Variants in MAP3K5 observed in about 807,000 individuals in gnomAD.
MAP3K5 encodes the protein mitogen-activated protein kinase kinase kinase 5.
MAP3K5 carries 56 observed loss-of-function variants against 158.7 expected under a neutral mutation model. That is an observed-to-expected ratio of 0.35 (90% CI 0.28 to 0.44). The LOEUF is 0.44. Ranked by LOEUF, MAP3K5 falls within the 20% of genes least tolerant of loss-of-function variation. The pLI is 1.00. For synonymous variants in MAP3K5, 579 were observed against 601.7 expected (o/e 0.96, Z 0.55); for missense variants, 1,294 against 1,674.8 (o/e 0.77, Z 3.97).
intron 1 of MAP3K5, among the ~76,000 whole-genome samples, chr6:136,727,477 C>T (rs1782016095): frequency 6.6e-6 from 1 of 152,170 alleles, no homozygotes; most frequent in South Asian, 2.1e-4. Flanking sequence ...TTTAACTCTT[C>T]ACTGACTCAC....
intron 21 of MAP3K5, among the ~76,000 whole-genome samples, chr6:136,598,795 A>T (rs114269012): frequency 9.9e-5 from 15 of 152,106 alleles, no homozygotes; most frequent in Admixed American, 6.5e-5. Context: ...TCTTGTACTC[A>T]TCTAGAAGGA....
At chr6:136,715,891 G>A (rs1045478414) in intron 2 of MAP3K5, among the ~76,000 whole-genome samples, 1 of 151,580 alleles carries the variant, frequency 6.6e-6, no homozygotes, top group Non-Finnish European at 1.5e-5. Flanking sequence ...TCAGCTGGGC[G>A]TGGTGGCGGG....
chr6:136,719,200 C>T (rs1395255342), intron 2 of MAP3K5, among the ~76,000 whole-genome samples: 1 of 151,948 alleles, frequency 6.6e-6, no homozygotes, highest in Non-Finnish European at 1.5e-5. Context: ...TACATACATA[C>T]ATAAACTTAA....
chr6:136,717,687 A>T (rs1781583918), intron 2 of MAP3K5, among the ~76,000 whole-genome samples: 1 of 152,134 alleles, frequency 6.6e-6, no homozygotes, highest in Non-Finnish European at 1.5e-5. Context: ...TAACTAATTG[A>T]CCAGAAATGA....
At chr6:136,753,825 G>A (rs1562675171) in intron 1 of MAP3K5, among the ~76,000 whole-genome samples, 1 of 152,210 alleles carries the variant, frequency 6.6e-6, no homozygotes, top group African/African-American at 2.4e-5. Context: ...AGGGTAGATG[G>A]TGCTTCAGCA....
chr6:136,581,975 C>T lies in MAP3K5; in HGVS notation c.3412-1569G>A, dbSNP rs577405555. Among the ~76,000 whole-genome samples, 7 of 151,858 alleles carry T rather than the reference C, an allele frequency of 4.6e-5. No homozygotes were observed. In the South Asian group the frequency reaches 1.2e-3, roughly 27 times the overall value. On this transcript the variant is annotated intron_variant, in intron 24 of 29. Transcript: ENST00000359015. ...GCAGGCACCTGTAGTTCCAGCTACT[C>T]GGGAGGCTGAGGCACAAGAATTGCT...
At chr6:136,641,649 GTTT>G (rs35443052) in intron 12 of MAP3K5, among the ~76,000 whole-genome samples, 42 of 146,960 alleles carry the variant, frequency 2.9e-4, no homozygotes, top group East Asian at 1.6e-3. Context: ...CTTACAGAAG[GTTT>G]TTTTTTTTTT....
At chr6:136,612,663 T>C (rs1019097027) in intron 17 of MAP3K5, among the ~76,000 whole-genome samples, 1 of 152,236 alleles carries the variant, frequency 6.6e-6, no homozygotes, top group African/African-American at 2.4e-5. Flanking sequence ...CTTATAATTA[T>C]AGTTAAATCA....
chr6:136,558,801 T>G lies in MAP3K5; in HGVS notation c.4063A>C (p.Arg1355=). 1 of 1,578,740 alleles carries G rather than the reference T, an allele frequency of 6.3e-7. No homozygotes were observed. The highest frequency in any genetic ancestry group is 2.2e-5 in the East Asian group (1 of 44,690). ...TRDDLKCLRL[R]GGMLCTLWKA... The stretch of plus-strand genomic sequence containing the variant: ...TGACAACAGAAAGAAAAGTGGTACC[T>G]TAGTCTCAAGCATTTTAAGTCATCA... Residue 1355 remains arginine (R), a splice_region_variant and synonymous_variant, in exon 29 of 30, where the codon AGG becomes CGG. Coordinates refer to ENST00000359015, the MANE Select transcript of MAP3K5 (RefSeq NM_005923.4).
At chr6:136,605,177 T>A (rs1343665824) in intron 19 of MAP3K5, 32 bp downstream of exon 19, 1 of 1,603,682 alleles carries the variant, frequency 6.2e-7, no homozygotes, top group Non-Finnish European at 8.5e-7. Context: ...AAAAGCTTTA[T>A]CCATTTGTTT....
rs143732330 is a variant in MAP3K5 at position 136,601,805 on chromosome 6, A to T, written c.2854T>A (p.Ser952Thr). 5 of 1,613,784 alleles carry T rather than the reference A, an allele frequency of 3.1e-6. No homozygotes were observed. The highest frequency in any genetic ancestry group is 3.4e-6 in the Non-Finnish European group (4 of 1,179,946). ...SKKKKTQPKLSALSAGSNEYL... is the reference protein window; with the variant it reads ...SKKKKTQPKLTALSAGSNEYL... The stretch of plus-strand genomic sequence containing the variant: ...CCTCTTCAATGCAACCACATACCTG[A>T]AAGCTTAGGTTGTGTCTTTTTCTTT... The change falls in exon 20 of 30, where the codon TCA (serine) becomes ACA (threonine). Residue 952 changes from serine to threonine, a missense_variant. Transcript: ENST00000359015.
intron 7 of MAP3K5, among the ~76,000 whole-genome samples, chr6:136,686,263 G>A (rs1780141694): frequency 6.6e-6 from 1 of 152,090 alleles, no homozygotes; most frequent in South Asian, 2.1e-4. Flanking sequence ...GGTATTGATG[G>A]AATGTATCTC....
chr6:136,680,217 CTT>C (rs1483983320), intron 7 of MAP3K5, among the ~76,000 whole-genome samples: 1 of 152,090 alleles, frequency 6.6e-6, no homozygotes, highest in Non-Finnish European at 1.5e-5. Context: ...CAGATACAGA[CTT>C]TTAGTCATGC....
chr6:136,681,436 T>A (rs1222343380), intron 7 of MAP3K5, among the ~76,000 whole-genome samples: 1 of 152,090 alleles, frequency 6.6e-6, no homozygotes, highest in African/African-American at 2.4e-5. Flanking sequence ...GTGTTCAAGA[T>A]CATCCTGGGC....
intron 7 of MAP3K5, among the ~76,000 whole-genome samples, chr6:136,688,108 T>G (rs1411109302): frequency 6.6e-6 from 1 of 152,206 alleles, no homozygotes; most frequent in African/African-American, 2.4e-5. Context: ...GGTGAGTTCA[T>G]GTCCTTTGCA....
chr6:136,568,920 C>T (rs1027481431), intron 25 of MAP3K5, among the ~76,000 whole-genome samples: 7 of 149,982 alleles, frequency 4.7e-5, no homozygotes, highest in Non-Finnish European at 7.4e-5. Context: ...AATTCTAAGC[C>T]CCCCAACTGA....
At chr6:136,776,893 A>T (rs1395039844) in intron 1 of MAP3K5, among the ~76,000 whole-genome samples, 1 of 152,214 alleles carries the variant, frequency 6.6e-6, no homozygotes, top group Non-Finnish European at 1.5e-5. Context: ...CATTCTAATC[A>T]TCACGGCAGG....
At chr6:136,649,252 G>A (rs1185065919) in intron 11 of MAP3K5, among the ~76,000 whole-genome samples, 1 of 152,200 alleles carries the variant, frequency 6.6e-6, no homozygotes, top group African/African-American at 2.4e-5. Flanking sequence ...TTATAGGCAT[G>A]AGCCACTGTG....
At chr6:136,624,685 A>G (rs1776955105) in intron 14 of MAP3K5, among the ~76,000 whole-genome samples, 1 of 152,198 alleles carries the variant, frequency 6.6e-6, no homozygotes, top group Admixed American at 6.5e-5. Context: ...GTTAAAAAGG[A>G]AATGACCATG....
Sources: allele counts gnomAD v4.1 joint callset (sites outside exome capture counted in the v4.1 genomes callset), GRCh38; gene constraint gnomAD v4.1.1; transcripts MANE v1.5; gene names NCBI Gene and HGNC (gene_info 2026-07-23, HGNC 2026-07-21).